Variants in RAP1GAP2 observed in about 807,000 individuals in gnomAD.
RAP1GAP2 encodes the protein rap1 GTPase-activating protein 2.
A neutral mutation model predicts 95.0 loss-of-function variants in RAP1GAP2; 27 were observed. The ratio of observed to expected loss-of-function variants is 0.28; its 90% CI spans 0.21 to 0.39. The LOEUF (loss-of-function observed/expected upper bound fraction) is 0.39, where lower values mean the gene tolerates loss of function less well. RAP1GAP2 is among the 10% of genes least tolerant of loss of function. RAP1GAP2 has a pLI of 1.00. For missense variants in RAP1GAP2, 771 were observed against 970.0 expected, an observed-to-expected ratio of 0.79 and a Z score of 2.72; for synonymous variants, 373 against 380.9, an observed-to-expected ratio of 0.98 and a Z score of 0.24.
chr17:2,834,300 T>G (rs1276049144), intron 2 of RAP1GAP2, among the ~76,000 whole-genome samples: 1 of 152,168 alleles, frequency 6.6e-6, no homozygotes, highest in African/African-American at 2.4e-5. Flanking sequence ...TCAAATGCAT[T>G]TCCCTTGCTG....
intron 3 of RAP1GAP2, among the ~76,000 whole-genome samples, chr17:2,953,238 A>G (rs2151462385): frequency 6.6e-6 from 1 of 150,878 alleles, no homozygotes; most frequent in South Asian, 2.1e-4. Context: ...TCACTGTGTC[A>G]CCCAGGGTAG....
Position 3,036,430 on chromosome 17 carries a change from A to C in RAP1GAP2, c.*3069A>C, listed in dbSNP as rs1297771498. On this transcript the variant is annotated 3_prime_UTR_variant, in exon 25 of 25. Coordinates refer to ENST00000254695, the MANE Select transcript of RAP1GAP2 (RefSeq NM_015085.5). ...TGGGGCCCTGGGTTTTGGGGAAGCCAGTTAGCTGCTGCTTTGGCACTGGCA... is the reference window on the plus strand; with the variant it reads ...TGGGGCCCTGGGTTTTGGGGAAGCCCGTTAGCTGCTGCTTTGGCACTGGCA... The C allele has an allele frequency of 6.6e-6, 1 of 152,302 alleles. No individual in the cohort carries two copies. The highest frequency in any genetic ancestry group is 1.9e-4 in the East Asian group (1 of 5,200). The allele number at this position is 152,302 out of a possible 1,614,324, so 9.4% of individuals were successfully genotyped here.
chr17:2,811,185 C>A (rs575121851), intron 2 of RAP1GAP2, among the ~76,000 whole-genome samples: 1 of 152,280 alleles, frequency 6.6e-6, no homozygotes, highest in South Asian at 2.1e-4. Context: ...ATTTGGGATT[C>A]CTCACCTGCC....
chr17:2,844,717 T>C (rs76608737), intron 2 of RAP1GAP2, among the ~76,000 whole-genome samples: 1 of 152,276 alleles, frequency 6.6e-6, no homozygotes, highest in East Asian at 1.9e-4. Flanking sequence ...AGGAAACTGT[T>C]GTCCTTCCTT....
chr17:2,768,772 G>C (rs2068325744), intron 1 of RAP1GAP2, among the ~76,000 whole-genome samples: 1 of 151,716 alleles, frequency 6.6e-6, no homozygotes, highest in Non-Finnish European at 1.5e-5. Flanking sequence ...GTAGGAGGGA[G>C]ATCACCTTCA....
upstream of RAP1GAP2, among the ~76,000 whole-genome samples, chr17:2,773,421 T>G (rs891344528): frequency 1.1e-3 from 162 of 152,296 alleles, 1 homozygote; most frequent in African/African-American, 3.7e-3. Context: ...TTTCTTCTTG[T>G]GGTCAGGTCC....
intron 2 of RAP1GAP2, among the ~76,000 whole-genome samples, chr17:2,863,680 TA>T (rs991722025): frequency 2.4e-4 from 37 of 152,116 alleles, no homozygotes; most frequent in African/African-American, 8.4e-4. Context: ...CTCTGGAGGG[TA>T]AAGCAACTTG....
chr17:2,823,476 C>T (rs1029967421), intron 2 of RAP1GAP2, among the ~76,000 whole-genome samples: 12 of 152,192 alleles, frequency 7.9e-5, no homozygotes, highest in African/African-American at 2.7e-4. Context: ...CTTTGTCTTC[C>T]TCTGGGCACC....
At chr17:2,968,035 T>G (rs2044694282) in intron 8 of RAP1GAP2, among the ~76,000 whole-genome samples, 1 of 152,190 alleles carries the variant, frequency 6.6e-6, no homozygotes, top group Non-Finnish European at 1.5e-5. Context: ...GAAGAGATTC[T>G]GCCTCTAAAA....
At chr17:2,765,977 C>G (rs72817341) in intron 1 of RAP1GAP2, among the ~76,000 whole-genome samples, 13,248 of 152,068 alleles carry the variant, frequency 0.087, 821 homozygotes, top group East Asian at 0.29. Context: ...TCCAAACAAA[C>G]AAACAAACAA....
chr17:2,977,605 C>T (rs760966007), intron 8 of RAP1GAP2, among the ~76,000 whole-genome samples: 64 of 151,856 alleles, frequency 4.2e-4, no homozygotes, highest in Non-Finnish European at 8.4e-4. Flanking sequence ...ATTAGCTGGG[C>T]GTGGTGGCGC....
rs2046299780 is a variant in RAP1GAP2 at position 3,005,358 on chromosome 17, G to C, written c.1201-11G>C. ...CCCTCCAGGTCCGTACCATGACTCT[G>C]TTTCACTCAGGTCTCTGTCACTGCG... is the stretch of plus-strand genomic sequence containing the variant. On this transcript the variant is annotated splice_polypyrimidine_tract_variant and intron_variant, in intron 14 of 24. Transcript: ENST00000254695. The surrounding 1 kb of genome is among the most constrained non-coding windows in gnomAD (Gnocchi z 5.2). 1 of 1,613,170 alleles carries C rather than the reference G, an allele frequency of 6.2e-7. No individual in the cohort carries two copies. Among genetic ancestry groups the C allele is most frequent in the Non-Finnish European group, 8.5e-7 (1 of 1,179,142 alleles).
chr17:3,007,559 C>T (rs948876205), intron 16 of RAP1GAP2, among the ~76,000 whole-genome samples: 10 of 152,134 alleles, frequency 6.6e-5, no homozygotes, highest in Non-Finnish European at 1.3e-4. Flanking sequence ...ACATGGTGGC[C>T]AAGTTGTGCC....
intron 2 of RAP1GAP2, among the ~76,000 whole-genome samples, chr17:2,801,796 G>C (rs1314597153): frequency 6.6e-6 from 1 of 152,140 alleles, no homozygotes; most frequent in Non-Finnish European, 1.5e-5. Flanking sequence ...CGTCTGCTGA[G>C]GTCCGAAGCA....
intron 19 of RAP1GAP2, among the ~76,000 whole-genome samples, chr17:3,023,474 G>T (rs2047016468): frequency 6.6e-6 from 1 of 152,186 alleles, no homozygotes; most frequent in South Asian, 2.1e-4. Flanking sequence ...GCCCTGGGTG[G>T]TGGCACCATG....
rs71153308 is a variant in RAP1GAP2 at position 2,873,474 on chromosome 17, C to CAAAAAAAAAA, written c.81-31782_81-31773dup. Among the ~76,000 whole-genome samples, 7 of 11,422 alleles carry CAAAAAAAAAA rather than the reference C, an allele frequency of 6.1e-4. 3 individuals carry two copies. The highest frequency in any genetic ancestry group is 1.8e-3 in the African/African-American group (5 of 2,854). The allele number at this position is 11,422 out of a possible 152,430, so 7.5% of individuals were successfully genotyped here. A position where few individuals can be genotyped will look rare whatever the true frequency, so the allele number is the denominator to read the frequency against. On this transcript the variant is annotated intron_variant, in intron 2 of 24. Transcript: ENST00000254695. Reference sequence around the variant, plus strand: ...AGGGTAATAGAATGAGACCCTGTCTCAAAAAAAAAAAAAAAAAAAAAAAAA... The same window carrying CAAAAAAAAAA: ...AGGGTAATAGAATGAGACCCTGTCTCAAAAAAAAAAAAAAAAAAAAAAAAAAAAAAAAAAA...
chr17:2,962,622 C>T (rs1386514512), intron 4 of RAP1GAP2, 48 bp from the exon 5 acceptor site: 1 of 1,537,750 alleles, frequency 6.5e-7, no homozygotes, highest in Non-Finnish European at 8.8e-7. Flanking sequence ...CTGGCCCTGT[C>T]TTCTGACCTT....
Position 2,903,097 on chromosome 17 carries a change from G to A in RAP1GAP2, c.81-2187G>A, listed in dbSNP as rs568884851. ...GAGGCCCTCTGCTAAGCCCAGAGTC[G>A]CCCTATAGCATCTGGTGGGGGCTTG... On this transcript the variant is annotated intron_variant, in intron 2 of 24. Transcript: ENST00000254695. The surrounding 1 kb of genome is among the most constrained non-coding windows in gnomAD (Gnocchi z 4.1). 6.6e-5 allele frequency among the ~76,000 whole-genome samples: 10 copies of A among 152,254 alleles called. No homozygotes were observed. Among genetic ancestry groups the A allele is most frequent in the African/African-American group, 2.2e-4 (9 of 41,580 alleles).
At chr17:3,014,700 C>A (rs951420701) in intron 17 of RAP1GAP2, among the ~76,000 whole-genome samples, 1 of 152,076 alleles carries the variant, frequency 6.6e-6, no homozygotes, top group Non-Finnish European at 1.5e-5. Flanking sequence ...TAGGCACACA[C>A]CACCATGCCT....
Sources: allele counts gnomAD v4.1 joint callset (sites outside exome capture counted in the v4.1 genomes callset), GRCh38; gene constraint gnomAD v4.1.1; non-coding constraint Gnocchi (gnomAD v3.1); transcripts MANE v1.5; gene names NCBI Gene and HGNC (gene_info 2026-07-23, HGNC 2026-07-21).